The following CCP110 variants were observed in gnomAD, a reference collection of about 807,000 sequenced individuals.
The protein encoded by CCP110 is centriolar coiled-coil protein of 110 kDa.
A neutral mutation model predicts 105.5 loss-of-function variants in CCP110; 43 were observed. The ratio of observed to expected loss-of-function variants is 0.41; its 90% CI spans 0.32 to 0.53. The LOEUF (loss-of-function observed/expected upper bound fraction) is 0.53. CCP110 is among the 20% of genes least tolerant of loss of function. The pLI is 0.32. For synonymous variants in CCP110, 353 were observed against 392.1 expected, an observed-to-expected ratio of 0.90 and a Z score of 1.18; for missense variants, 1,016 against 1,189.1, an observed-to-expected ratio of 0.85 and a Z score of 2.14.
intron 2 of CCP110, among the ~76,000 whole-genome samples, chr16:19,530,354 T>C (rs1331157051): frequency 1.3e-5 from 2 of 151,996 alleles, no homozygotes; most frequent in African/African-American, 4.8e-5. Flanking sequence ...GAAGTGAAGT[T>C]TGATAAACAG....
At chr16:19,545,357 G>T in intron 10 of CCP110, 147 bp downstream of exon 10, 1 of 516,506 alleles carries the variant, frequency 1.9e-6, no homozygotes. Context: ...ATTTAAATCT[G>T]TAGACAGATT....
At chr16:19,528,091 A>G in intron 2 of CCP110, 69 bp downstream of exon 2, 1 of 1,301,686 alleles carries the variant, frequency 7.7e-7, no homozygotes. Context: ...TGGAAAAACA[A>G]AAGAAAGGCT....
At position 19,547,986 on chromosome 16, in the gene CCP110, C is replaced by A. The variant is rs146625112; in HGVS notation, c.2872C>A (p.Pro958Thr). Residue 958 changes from proline (P) to threonine (T), a missense_variant, in exon 13 of 15, where the codon CCT becomes ACT. Transcript: ENST00000381396. ...TCAGCCAAACCAAGGACAGAATGCA[C>A]CTGTTCATAGGCTACTTAGTAGACA... 8.1e-6 allele frequency: 13 copies of A among 1,612,160 alleles called. No homozygotes were observed. The highest frequency in any genetic ancestry group is 1.7e-4 in the Middle Eastern group (1 of 6,056).
chr16:19,540,448 G>A (rs888992799), intron 4 of CCP110, among the ~76,000 whole-genome samples: 1 of 152,140 alleles, frequency 6.6e-6, no homozygotes, highest in African/African-American at 2.4e-5. Flanking sequence ...GAATGAGTGG[G>A]TAAAGGTGAT....
At chr16:19,541,745 G>T in intron 5 of CCP110, 142 bp from the exon 6 acceptor site, 2 of 459,454 alleles carry the variant, frequency 4.4e-6, no homozygotes, top group Non-Finnish European at 3.8e-6. Context: ...GGAGAAGGAA[G>T]GAAGGATAAT....
chr16:19,547,624 A>G lies in CCP110; in HGVS notation c.2841-331A>G, dbSNP rs200858624. ...CTGTTTTTTACTCCTGTAAAATGAG[A>G]GTGATACTTTCTTCTCTCACTGGTT... On this transcript the variant is annotated intron_variant, in intron 12 of 14. Coordinates refer to ENST00000381396, the Ensembl canonical transcript of CCP110. The G allele has an allele frequency of 2.6e-5, 5 of 193,000 alleles. No individual in the cohort carries two copies. The East Asian group carries it at 6.7e-4, about 26-fold the overall frequency. The allele number at this position is 193,000 out of a possible 1,614,324, so 12.0% of individuals were successfully genotyped here.
intron 2 of CCP110, among the ~76,000 whole-genome samples, chr16:19,529,499 G>A (rs1969788644): frequency 6.6e-6 from 1 of 152,170 alleles, no homozygotes; most frequent in African/African-American, 2.4e-5. Flanking sequence ...TTTACCATTA[G>A]ATTAAATAAT....
intron 2 of CCP110, among the ~76,000 whole-genome samples, chr16:19,530,932 A>G (rs1012264763): frequency 2.6e-5 from 4 of 152,266 alleles, no homozygotes; most frequent in Non-Finnish European, 1.5e-5. Flanking sequence ...CATCTCAAAA[A>G]AAAAAGGAAT....
rs1970621765 is a variant in CCP110 at position 19,551,069 on chromosome 16, A to G, written c.2987-127A>G. 1.2e-5 allele frequency: 8 copies of G among 665,714 alleles called. No individual in the cohort carries two copies. In the South Asian group the frequency reaches 1.4e-4, roughly 12 times the overall value. 41.2% of individuals were successfully genotyped at this position (665,714 alleles called of 1,614,324 possible). On this transcript the variant is annotated intron_variant, in intron 14 of 14. Coordinates refer to ENST00000381396, the Ensembl canonical transcript of CCP110. ...CAATTTCTACCTCAGGATGATTCAT[A>G]TAAGGATTAAATATGATAATGTATA...
intron 12 of CCP110, 124 bp from the exon 13 acceptor site, chr16:19,547,831 T>C (rs1177747944): frequency 1.4e-6 from 1 of 708,660 alleles, no homozygotes; most frequent in Non-Finnish European, 2.6e-6. Flanking sequence ...TGTGGTAATA[T>C]ATAGGCCATA....
intron 3 of CCP110, among the ~76,000 whole-genome samples, chr16:19,534,936 A>G (rs1214311568): frequency 1.5e-5 from 2 of 135,844 alleles, no homozygotes; most frequent in Non-Finnish European, 1.5e-5. Context: ...GCCGGAGTGC[A>G]GTGACGTGAT....
chr16:19,534,872 CTTTTTT>C (rs35522152), intron 3 of CCP110, among the ~76,000 whole-genome samples: 1 of 100,542 alleles, frequency 9.9e-6, no homozygotes, highest in Non-Finnish European at 1.9e-5. Flanking sequence ...AATATTCAGA[CTTTTTT>C]TTTTTTTTTT....
chr16:19,535,440 C>T (rs2151468769), intron 3 of CCP110, among the ~76,000 whole-genome samples: 1 of 152,208 alleles, frequency 6.6e-6, no homozygotes, highest in East Asian at 1.9e-4. Context: ...TTTGCTTAAT[C>T]AATGTCCTGG....
intron 8 of CCP110, among the ~76,000 whole-genome samples, chr16:19,543,525 CAGGGAACA>C (rs1970360322): frequency 6.6e-6 from 1 of 152,122 alleles, no homozygotes; most frequent in Non-Finnish European, 1.5e-5. Flanking sequence ...CAGCGTTTTT[CAGGGAACA>C]AGGGAAGACA....
At chr16:19,542,345 C>T (rs1218409071) in intron 6 of CCP110, among the ~76,000 whole-genome samples, 1 of 152,188 alleles carries the variant, frequency 6.6e-6, no homozygotes. Flanking sequence ...CAAGTGAAAA[C>T]AGTTTGCTCT....
intron 5 of CCP110, 152 bp from the exon 6 acceptor site, chr16:19,541,735 G>A (rs1262133516): frequency 1.1e-5 from 5 of 444,662 alleles, no homozygotes; most frequent in Non-Finnish European, 1.6e-5. Flanking sequence ...GGAAGGGAAG[G>A]GAGAAGGAAG....
chr16:19,537,508 GCAA>G, exon 4 of CCP110: 1 of 1,607,350 alleles, frequency 6.2e-7, no homozygotes, highest in Non-Finnish European at 8.5e-7. Context: ...AACAAGAAAG[GCAA>G]CATTTGCCAG....
chr16:19,528,313 GC>G (rs1969745901), intron 2 of CCP110, among the ~76,000 whole-genome samples: 1 of 152,166 alleles, frequency 6.6e-6, no homozygotes, highest in East Asian at 1.9e-4. Context: ...AGCATACATA[GC>G]CTTTGGGTCA....
At chr16:19,545,792 T>C (rs1472505425) in intron 10 of CCP110, 25 bp from the exon 11 acceptor site, 2 of 1,367,208 alleles carry the variant, frequency 1.5e-6, no homozygotes, top group African/African-American at 2.9e-5. Context: ...CCAGTAGAGT[T>C]TGACGTTACT....
Sources: gnomAD v4.1 joint callset for allele counts (sites outside exome capture counted in the v4.1 genomes callset) on GRCh38, gnomAD v4.1.1 for gene constraint, MANE v1.5 for transcripts, NCBI Gene and HGNC (gene_info 2026-07-23, HGNC 2026-07-21) for gene names.